Variants in DUSP22 observed in about 807,000 individuals in gnomAD.
DUSP22 encodes dual specificity phosphatase 22, also known as dual specificity protein phosphatase 22.
DUSP22 carries 24 observed loss-of-function variants against 24.5 expected under a neutral mutation model. That is an observed-to-expected ratio of 0.98 (90% CI 0.71 to 1.38). The LOEUF (loss-of-function observed/expected upper bound fraction) is 1.38. Ranked by LOEUF, DUSP22 falls within the 40% of genes most tolerant of loss-of-function variation. The pLI is 0.00. For synonymous variants in DUSP22, 160 were observed against 106.4 expected (o/e 1.50, Z -3.10); for missense variants, 330 against 269.2 (o/e 1.23, Z -1.58).
chr6:331,080 G>A (rs552707687), intron 3 of DUSP22, among the ~76,000 whole-genome samples: 103 of 152,364 alleles, frequency 6.8e-4, no homozygotes, highest in African/African-American at 2.2e-3. Flanking sequence ...AATCATGACG[G>A]TCTTGAAGCA....
intron 5 of DUSP22, among the ~76,000 whole-genome samples, chr6:346,184 GTT>G (rs1759862293): frequency 6.6e-6 from 1 of 152,292 alleles, no homozygotes; most frequent in Admixed American, 6.5e-5. Context: ...GACCGTGAAG[GTT>G]ACTGGACAAC....
chr6:336,044 G>C (rs900453604), intron 4 of DUSP22, among the ~76,000 whole-genome samples: 6 of 152,428 alleles, frequency 3.9e-5, no homozygotes, highest in Admixed American at 3.9e-4. Context: ...ACCCGTGGCA[G>C]CTACAGCTTT....
chr6:301,939 A>G (rs1757597652), intron 1 of DUSP22, among the ~76,000 whole-genome samples: 1 of 152,310 alleles, frequency 6.6e-6, no homozygotes, highest in Non-Finnish European at 1.5e-5. Context: ...TATAAAATGT[A>G]TTAATTTGTG....
intron 1 of DUSP22, among the ~76,000 whole-genome samples, chr6:293,465 C>T (rs1176992219): frequency 6.6e-6 from 1 of 152,302 alleles, no homozygotes; most frequent in Admixed American, 6.5e-5. Flanking sequence ...TTGAATGGTC[C>T]TGGATTAGAT....
intron 3 of DUSP22, among the ~76,000 whole-genome samples, chr6:314,407 T>A (rs1190955093): frequency 6.6e-6 from 1 of 152,306 alleles, no homozygotes; most frequent in Non-Finnish European, 1.5e-5. Context: ...CGAGCCCTGC[T>A]GCTGTGAAGC....
At chr6:300,286 G>C (rs1002562968) in intron 1 of DUSP22, among the ~76,000 whole-genome samples, 7 of 152,276 alleles carry the variant, frequency 4.6e-5, no homozygotes, top group Non-Finnish European at 7.4e-5. Flanking sequence ...ATGCCTTCGG[G>C]CTCGGGCTCA....
intron 4 of DUSP22, 150 bp downstream of exon 4, chr6:335,313 C>A: frequency 1.0e-6 from 1 of 995,420 alleles, no homozygotes; most frequent in Non-Finnish European, 1.5e-6. Flanking sequence ...CTACAGAGGC[C>A]AACGCTAGGC....
chr6:321,586 A>G (rs112682086), intron 3 of DUSP22, among the ~76,000 whole-genome samples: 15,351 of 146,968 alleles, frequency 0.1, no homozygotes, highest in Middle Eastern at 0.15. Flanking sequence ...GTGACATAAC[A>G]AAGTTGAAAA....
At chr6:342,424 T>G (rs1398701891) in intron 4 of DUSP22, among the ~76,000 whole-genome samples, 4 of 152,306 alleles carry the variant, frequency 2.6e-5, no homozygotes. Flanking sequence ...GCTGCACCCC[T>G]GCAGCCAGCC....
chr6:313,202 G>A (rs1310626478), intron 3 of DUSP22, among the ~76,000 whole-genome samples: 1 of 152,302 alleles, frequency 6.6e-6, no homozygotes, highest in Non-Finnish European at 1.5e-5. Flanking sequence ...ACAAGATGAG[G>A]CTTGAGGTTT....
chr6:322,479 G>C (rs1182701220), intron 3 of DUSP22, among the ~76,000 whole-genome samples: 2 of 152,306 alleles, frequency 1.3e-5, no homozygotes, highest in African/African-American at 2.4e-5. Context: ...AGATTTTGCA[G>C]CTTCTCATTC....
At chr6:324,347 C>G (rs1040431457) in intron 3 of DUSP22, among the ~76,000 whole-genome samples, 1 of 152,416 alleles carries the variant, frequency 6.6e-6, no homozygotes, top group African/African-American at 2.4e-5. Context: ...AGCAGTGACC[C>G]GCTCATCCTT....
intron 3 of DUSP22, among the ~76,000 whole-genome samples, chr6:315,231 T>C (rs567765992): frequency 6.6e-6 from 1 of 152,426 alleles, no homozygotes; most frequent in Non-Finnish European, 1.5e-5. Flanking sequence ...TCAAGCTCTC[T>C]AGTAAGCCCT....
chr6:320,650 C>A (rs1385147618), intron 3 of DUSP22, among the ~76,000 whole-genome samples: 1 of 152,294 alleles, frequency 6.6e-6, no homozygotes, highest in Admixed American at 6.5e-5. Flanking sequence ...TTGGGGAAGA[C>A]TTTGTAAAGA....
chr6:336,743 A>G (rs1759377223), intron 4 of DUSP22, among the ~76,000 whole-genome samples: 1 of 152,422 alleles, frequency 6.6e-6, no homozygotes, highest in African/African-American at 2.4e-5. Flanking sequence ...GGATTTTCCT[A>G]GGAAAACAGA....
At chr6:319,321 T>C (rs1333826842) in intron 3 of DUSP22, among the ~76,000 whole-genome samples, 1 of 152,308 alleles carries the variant, frequency 6.6e-6, no homozygotes, top group Non-Finnish European at 1.5e-5. Context: ...TGTGTTTGGC[T>C]GCGCTGTGTT....
Position 314,397 on chromosome 6 carries a change from C to T in DUSP22, c.138+2435C>T, listed in dbSNP as rs549499906. 3.2e-4 allele frequency among the ~76,000 whole-genome samples: 49 copies of T among 152,402 alleles called. No individual in the cohort carries two copies. In the East Asian group the frequency reaches 7.0e-3, roughly 22 times the overall value. ...CTGCTACATCCATGCAGGTGTCCTG[C>T]GAGCCCTGCTGCTGTGAAGCGACGT... On this transcript the variant is annotated intron_variant, in intron 3 of 6. Transcript: ENST00000419235.
chr6:305,009 G>A (rs959248569), intron 2 of DUSP22, among the ~76,000 whole-genome samples: 6 of 152,420 alleles, frequency 3.9e-5, no homozygotes, highest in Admixed American at 2.0e-4. Context: ...TCCGTGTTGC[G>A]GCGTGTGTCA....
chr6:306,506 C>T (rs1757818949), intron 2 of DUSP22, among the ~76,000 whole-genome samples: 1 of 152,300 alleles, frequency 6.6e-6, no homozygotes, highest in African/African-American at 2.4e-5. Context: ...AAACAGCCCA[C>T]CACCTCTCCT....
Sources: allele counts gnomAD v4.1 joint callset (sites outside exome capture counted in the v4.1 genomes callset), GRCh38; gene constraint gnomAD v4.1.1; transcripts MANE v1.5; gene names NCBI Gene and HGNC (gene_info 2026-07-23, HGNC 2026-07-21).